ARHGEF1: variants seen among roughly 807,000 people sequenced by gnomAD.
ARHGEF1 encodes the protein 115 kDa guanine nucleotide exchange factor.
In ARHGEF1, 40 loss-of-function variants were observed where a neutral mutation model predicts 119.7. That is an observed-to-expected ratio of 0.33 (90% CI 0.26 to 0.44). The LOEUF is 0.44. Among genes scored for constraint, ARHGEF1 ranks in the 20% least tolerant of loss-of-function variants. ARHGEF1 has a pLI of 1.00. For missense variants in ARHGEF1, 976 were observed against 1,268.3 expected (o/e 0.77, Z 3.50); for synonymous variants, 494 against 521.0 (o/e 0.95, Z 0.71).
intron 1 of ARHGEF1, among the ~76,000 whole-genome samples, chr19:41,926,261 G>A (rs550572798): frequency 6.6e-6 from 1 of 152,072 alleles, no homozygotes; most frequent in South Asian, 2.1e-4. Flanking sequence ...GGTGTGAGGG[G>A]GACAAGTGTT....
Position 41,906,114 on chromosome 19 carries a change from C to T in ARHGEF1, c.2491+89C>T. The T allele has an allele frequency of 7.6e-7, 1 of 1,310,172 alleles. No homozygotes were observed. The highest frequency in any genetic ancestry group is 1.1e-6 in the Non-Finnish European group (1 of 925,832). The allele number at this position is 1,310,172 out of a possible 1,614,324, so 81.2% of individuals were successfully genotyped here. ...ACAAGGCTCTCCACGTCAAAAATTTCCTTACGCCCAGCTGCCAGAAAACAA... is the reference window on the plus strand; with the variant it reads ...ACAAGGCTCTCCACGTCAAAAATTTTCTTACGCCCAGCTGCCAGAAAACAA... On this transcript the variant is annotated intron_variant, in intron 26 of 28. Transcript: ENST00000354532. The surrounding 1 kb of genome is among the most constrained non-coding windows in gnomAD (Gnocchi z 4.5).
chr19:41,895,568 TAGA>T (rs1274178461), intron 12 of ARHGEF1, 82 bp downstream of exon 12: 4 of 1,447,554 alleles, frequency 2.8e-6, no homozygotes, highest in Non-Finnish European at 3.7e-6. Flanking sequence ...CACCCCCAGA[TAGA>T]AGCCATTCCC....
chr19:41,925,215 G>A (rs1220960411), intron 1 of ARHGEF1, among the ~76,000 whole-genome samples: 3 of 152,140 alleles, frequency 2.0e-5, no homozygotes, highest in Admixed American at 6.5e-5. Context: ...TGTGTTACCA[G>A]GGCAGAGGAT....
upstream of ARHGEF1, among the ~76,000 whole-genome samples, chr19:41,922,307 G>A (rs959404235): frequency 3.8e-4 from 58 of 152,294 alleles, no homozygotes; most frequent in African/African-American, 1.4e-3. Flanking sequence ...GGGAGACAGA[G>A]ATAGCAGATC....
chr19:41,906,862 C>A lies in ARHGEF1; in HGVS notation c.*17+59C>A. The A allele has an allele frequency of 7.5e-7, 1 of 1,332,140 alleles. No individual in the cohort carries two copies. The highest frequency in any genetic ancestry group is 1.0e-6 in the Non-Finnish European group (1 of 968,338). The allele number at this position is 1,332,140 out of a possible 1,614,324, so 82.5% of individuals were successfully genotyped here. A position where few individuals can be genotyped will look rare whatever the true frequency, so the allele number is the denominator to read the frequency against. On this transcript the variant is annotated intron_variant, in intron 28 of 28. Coordinates refer to ENST00000354532, the MANE Select transcript of ARHGEF1 (RefSeq NM_004706.4). This position sits in a 1 kb window ranked among gnomAD's most constrained non-coding sequence, Gnocchi z 4.5. ...CTGAAAGGAGGGTCCCCCTCCAGAGCTCGCATCCCTACAGCCCCTTCTGTC... is the reference window on the plus strand; with the variant it reads ...CTGAAAGGAGGGTCCCCCTCCAGAGATCGCATCCCTACAGCCCCTTCTGTC...
At chr19:41,922,885 C>T (rs927651925), upstream of ARHGEF1, among the ~76,000 whole-genome samples, 18 of 152,362 alleles carry the variant, frequency 1.2e-4, no homozygotes, top group African/African-American at 3.4e-4. Flanking sequence ...CCCAGCCCCA[C>T]ACCGGGTCCC....
At chr19:41,899,519 T>A (rs2074565080) in intron 14 of ARHGEF1, among the ~76,000 whole-genome samples, 1 of 151,186 alleles carries the variant, frequency 6.6e-6, no homozygotes, top group Admixed American at 6.6e-5. Flanking sequence ...TTTTTTTTTT[T>A]TTTTTTTAAG....
chr19:41,905,832 GA>G lies in ARHGEF1; in HGVS notation c.2404+6del, dbSNP rs1330838169. On this transcript the variant is annotated splice_donor_region_variant and intron_variant, in intron 25 of 28. Transcript: ENST00000354532. The surrounding 1 kb of genome is among the most constrained non-coding windows in gnomAD (Gnocchi z 6.4). ...GAGAGACGTCTCCAGCTGATGGTGA[GA>G]CCAGAGGGATGCTGGGTGAGGGGCC... The G allele has an allele frequency of 6.2e-7, 1 of 1,614,008 alleles. No individual in the cohort carries two copies. Among genetic ancestry groups the G allele is most frequent in the African/African-American group, 1.3e-5 (1 of 74,920 alleles).
Position 41,906,159 on chromosome 19 carries a change from C to G in ARHGEF1, c.2491+134C>G. 1.2e-5 allele frequency: 10 copies of G among 846,648 alleles called. No homozygotes were observed. Among genetic ancestry groups the G allele is most frequent in the Admixed American group, 2.2e-5 (1 of 44,812 alleles). 52.4% of individuals were successfully genotyped at this position (846,648 alleles called of 1,614,324 possible). A position where few individuals can be genotyped will look rare whatever the true frequency, so the allele number is the denominator to read the frequency against. ...AAACAAATGCTCCAAACCCACCCAG[C>G]CTGCACCACTGTCCTGGGTGCCCAC... On this transcript the variant is annotated intron_variant, in intron 26 of 28. Transcript: ENST00000354532. The surrounding 1 kb of genome is among the most constrained non-coding windows in gnomAD (Gnocchi z 4.5).
chr19:41,913,007 G>A, intron 18 of ARHGEF1: 1 of 621,964 alleles, frequency 1.6e-6, no homozygotes. Context: ...GCGGGGCGCT[G>A]CCCGGGGCCT....
upstream of ARHGEF1, among the ~76,000 whole-genome samples, chr19:41,921,311 G>A (rs987028721): frequency 3.3e-5 from 5 of 152,176 alleles, no homozygotes; most frequent in African/African-American, 9.7e-5. This position sits in a 1 kb window ranked among gnomAD's most constrained non-coding sequence, Gnocchi z 4.4. Context: ...GGGGTGGAGC[G>A]TGATACATGG....
At chr19:41,909,058 AC>A, downstream of ARHGEF1, 1 of 1,224,598 alleles carries the variant, frequency 8.2e-7, no homozygotes, top group African/African-American at 1.6e-5. The surrounding 1 kb of genome is among the most constrained non-coding windows in gnomAD (Gnocchi z 5.2). Context: ...CCAGGCTCTT[AC>A]CAGAGCCCAG....
chr19:41,899,572 C>T (rs1555848620), intron 14 of ARHGEF1, among the ~76,000 whole-genome samples: 2 of 145,820 alleles, frequency 1.4e-5, no homozygotes, highest in African/African-American at 5.1e-5. Flanking sequence ...TGCAATGGCA[C>T]AATCTCGGCT....
rs368172499 is a variant in ARHGEF1 at position 41,901,955 on chromosome 19, A to G, written c.1336A>G (p.Met446Val). 3 of 1,613,948 alleles carry G rather than the reference A, an allele frequency of 1.9e-6. No individual in the cohort carries two copies. The highest frequency in any genetic ancestry group is 1.7e-5 in the Admixed American group (1 of 60,000). Residue 446 changes from methionine to valine, a missense_variant, in exon 15 of 29, where the codon ATG becomes GTG. Coordinates refer to ENST00000354532, the MANE Select transcript of ARHGEF1 (RefSeq NM_004706.4). ...GCTGCACGACCTCTTCTTCCAGCCC[A>G]TGGCAGAATGCCTGTTCTTCCCCTT... ...RVLHDLFFQP[M>V]AECLFFPLEE...
At chr19:41,912,999 G>C in intron 18 of ARHGEF1, 2 of 716,598 alleles carry the variant, frequency 2.8e-6, no homozygotes, top group Non-Finnish European at 3.9e-6. Flanking sequence ...GTCAGCCAGC[G>C]GGGCGCTGCC....
Position 41,903,653 on chromosome 19 carries a change from CAGGTCAGCCCCAGCACTT to C in ARHGEF1, c.1840-51_1840-34del, listed in dbSNP as rs1164311757. 1.9e-6 allele frequency: 3 copies of C among 1,577,784 alleles called. No homozygotes were observed. The African/African-American group carries it at 4.0e-5, about 21-fold the overall frequency. On this transcript the variant is annotated intron_variant, in intron 19 of 28. Coordinates refer to ENST00000354532, the MANE Select transcript of ARHGEF1 (RefSeq NM_004706.4). The surrounding 1 kb of genome is among the most constrained non-coding windows in gnomAD (Gnocchi z 4.2). ...CTCATCTTACCAATGTGGGTCACTG[CAGGTCAGCCCCAGCACTT>C]AGCTTGTCCCCATAATGCTCCCGTC...
In ARHGEF1 at chr19:41,906,642, G is replaced by T. The variant is rs528372490; in HGVS notation, c.2655+22G>T. The T allele has an allele frequency of 5.0e-6, 8 of 1,601,230 alleles. No homozygotes were observed. The highest frequency in any genetic ancestry group is 2.7e-5 in the African/African-American group (2 of 74,148). ...GGAGGTGGGGCGGGACGGGCCAGGGGTGCCCTGAGTGGGCTGGGGAAGGAA... is the reference window on the plus strand; with the variant it reads ...GGAGGTGGGGCGGGACGGGCCAGGGTTGCCCTGAGTGGGCTGGGGAAGGAA... On this transcript the variant is annotated intron_variant, in intron 27 of 28. Coordinates refer to ENST00000354532, the MANE Select transcript of ARHGEF1 (RefSeq NM_004706.4). This position sits in a 1 kb window ranked among gnomAD's most constrained non-coding sequence, Gnocchi z 4.5.
At position 41,905,545 on chromosome 19, in the gene ARHGEF1, G is replaced by C. The variant is rs577122149; in HGVS notation, c.2337-215G>C. On this transcript the variant is annotated intron_variant, in intron 24 of 28. Transcript: ENST00000354532. This position sits in a 1 kb window ranked among gnomAD's most constrained non-coding sequence, Gnocchi z 6.4. ...TGTGCATGCATGTGTGTGTGTGTGC[G>C]CATGTGCCGACCCCACCACTGCCCC... 1 of 617,904 alleles carries C rather than the reference G, an allele frequency of 1.6e-6. No homozygotes were observed. Among genetic ancestry groups the C allele is most frequent in the Non-Finnish European group, 2.8e-6 (1 of 351,872 alleles). 38.3% of individuals were successfully genotyped at this position (617,904 alleles called of 1,614,324 possible). A position where few individuals can be genotyped will look rare whatever the true frequency, so the allele number is the denominator to read the frequency against.
chr19:41,923,028 G>A (rs1555852741), upstream of ARHGEF1: 3 of 405,386 alleles, frequency 7.4e-6, no homozygotes, highest in African/African-American at 6.2e-5. Context: ...GCGGGAGGGG[G>A]CTGGGGGAAC....
Sources: allele counts gnomAD v4.1 joint callset (sites outside exome capture counted in the v4.1 genomes callset), GRCh38; gene constraint gnomAD v4.1.1; non-coding constraint Gnocchi (gnomAD v3.1); transcripts MANE v1.5; gene names NCBI Gene and HGNC (gene_info 2026-07-23, HGNC 2026-07-21).